Variants in KIAA0825 observed in about 807,000 individuals in gnomAD.
KIAA0825 encodes the protein KIAA0825.
A neutral mutation model predicts 147.6 loss-of-function variants in KIAA0825; 119 were observed. That is an observed-to-expected ratio of 0.81 (90% CI 0.69 to 0.94). The LOEUF (loss-of-function observed/expected upper bound fraction) is 0.94. KIAA0825 is among the 40% of genes least tolerant of loss of function. The pLI is 0.00. For missense variants in KIAA0825, 1,381 were observed against 1,472.7 expected (o/e 0.94, Z 1.02); for synonymous variants, 470 against 518.1 (o/e 0.91, Z 1.26).
chr5:94,242,403 C>CT (rs1194350248), intron 20 of KIAA0825, among the ~76,000 whole-genome samples: 1 of 152,158 alleles, frequency 6.6e-6, no homozygotes, highest in Non-Finnish European at 1.5e-5. Context: ...TTCAACAATT[C>CT]TTTGAGCACC....
At chr5:94,437,226 G>C (rs538691731) in intron 14 of KIAA0825, among the ~76,000 whole-genome samples, 1 of 152,050 alleles carries the variant, frequency 6.6e-6, no homozygotes, top group Non-Finnish European at 1.5e-5. Context: ...ATTAATTTCT[G>C]TGTGCATAAT....
At chr5:94,439,460 ACTC>A (rs1756787284) in intron 14 of KIAA0825, among the ~76,000 whole-genome samples, 3 of 152,152 alleles carry the variant, frequency 2.0e-5, no homozygotes, top group Non-Finnish European at 2.9e-5. Context: ...GTCTTATACT[ACTC>A]CTCGATTTCC....
At chr5:94,419,453 C>G (rs1445835381) in intron 14 of KIAA0825, among the ~76,000 whole-genome samples, 1 of 152,116 alleles carries the variant, frequency 6.6e-6, no homozygotes. Context: ...GATTGAGGAT[C>G]AAGAGTTCCA....
chr5:94,195,924 T>C lies in KIAA0825; in HGVS notation c.3711-41800A>G, dbSNP rs529212084. Among the ~76,000 whole-genome samples, 52 of 152,286 alleles carry C rather than the reference T, an allele frequency of 3.4e-4. 1 individual carries two copies. Among genetic ancestry groups the C allele is most frequent in the South Asian group, 1.2e-3 (6 of 4,832 alleles). On this transcript the variant is annotated intron_variant, in intron 20 of 20. Transcript: ENST00000682413. The stretch of plus-strand genomic sequence containing the variant: ...GCAGATGCTGTTGGAAATCTGCCCA[T>C]GGCCCCTCAGTGCCCCTTACCAATT...
intron 2 of KIAA0825, among the ~76,000 whole-genome samples, chr5:94,543,569 CT>C (rs754249565): frequency 2.1e-4 from 32 of 152,146 alleles, no homozygotes; most frequent in Non-Finnish European, 3.5e-4. Flanking sequence ...TGCTTTCTGA[CT>C]GAGCTCCTCT....
chr5:94,297,689 G>A (rs751103144), intron 20 of KIAA0825, among the ~76,000 whole-genome samples: 29 of 151,782 alleles, frequency 1.9e-4, no homozygotes, highest in Non-Finnish European at 3.7e-4. Context: ...TCCACCTCCT[G>A]GGCTCAAGCA....
chr5:94,338,919 A>G (rs1782079090), intron 20 of KIAA0825, among the ~76,000 whole-genome samples: 1 of 152,196 alleles, frequency 6.6e-6, no homozygotes, highest in Non-Finnish European at 1.5e-5. Flanking sequence ...AATAAAGACT[A>G]TAATGGCCCA....
rs1766540426 is a variant in KIAA0825 at position 94,152,027 on chromosome 5, AT to A, written c.*1979del. Among the ~76,000 whole-genome samples, 1 of 152,200 alleles carries A rather than the reference AT, an allele frequency of 6.6e-6. No individual in the cohort carries two copies. Among genetic ancestry groups the A allele is most frequent in the Admixed American group, 6.5e-5 (1 of 15,284 alleles). On this transcript the variant is annotated 3_prime_UTR_variant, in exon 21 of 21. Transcript: ENST00000682413. ...ATAAAATTTTCCTACCATTTTCTAA[AT>A]GGTCTTCATAGAATTTTTAGAAATT...
chr5:94,266,541 T>C (rs1776745301), intron 20 of KIAA0825, among the ~76,000 whole-genome samples: 1 of 152,158 alleles, frequency 6.6e-6, no homozygotes, highest in Admixed American at 6.5e-5. Context: ...GTAATAAAAA[T>C]ATTCCTTTTT....
intron 2 of KIAA0825, among the ~76,000 whole-genome samples, chr5:94,563,639 A>G (rs1777996892): frequency 6.6e-6 from 1 of 152,198 alleles, no homozygotes; most frequent in Non-Finnish European, 1.5e-5. Flanking sequence ...GTTAAATCTA[A>G]AACTTTCCAA....
chr5:94,331,911 C>T (rs922133759), intron 20 of KIAA0825, among the ~76,000 whole-genome samples: 3 of 152,038 alleles, frequency 2.0e-5, no homozygotes, highest in Admixed American at 6.6e-5. Context: ...CTTTGGGAGG[C>T]TGAGGTGGGT....
chr5:94,181,341 AG>A (rs1769595541), intron 20 of KIAA0825, among the ~76,000 whole-genome samples: 1 of 152,206 alleles, frequency 6.6e-6, no homozygotes, highest in South Asian at 2.1e-4. Flanking sequence ...TTACAAAGTT[AG>A]GTAGTGGTCT....
intron 20 of KIAA0825, among the ~76,000 whole-genome samples, chr5:94,221,741 T>C (rs976902833): frequency 1.3e-5 from 2 of 152,276 alleles, no homozygotes; most frequent in Middle Eastern, 3.4e-3. Flanking sequence ...GAGGCATCTA[T>C]GTCCTTATTC....
intron 20 of KIAA0825, among the ~76,000 whole-genome samples, chr5:94,202,446 A>G (rs1430021867): frequency 2.0e-5 from 3 of 152,206 alleles, no homozygotes; most frequent in Admixed American, 6.5e-5. Flanking sequence ...GAGATAAATT[A>G]TACCAGCGGT....
chr5:94,610,217 C>T (rs939311487), intron 1 of KIAA0825, among the ~76,000 whole-genome samples: 5 of 150,666 alleles, frequency 3.3e-5, no homozygotes, highest in Middle Eastern at 3.6e-3. Flanking sequence ...GTCAGGAGTT[C>T]GAGACCAGCC....
intron 5 of KIAA0825, among the ~76,000 whole-genome samples, chr5:94,485,904 G>A (rs571477272): frequency 3.3e-5 from 5 of 151,436 alleles, no homozygotes; most frequent in African/African-American, 1.2e-4. Context: ...AAATAATTGT[G>A]ATATCTATTA....
intron 20 of KIAA0825, among the ~76,000 whole-genome samples, chr5:94,211,709 G>A (rs1402432227): frequency 6.6e-6 from 1 of 152,018 alleles, no homozygotes; most frequent in Non-Finnish European, 1.5e-5. Flanking sequence ...TCTTATCTGT[G>A]TATTTTGCCC....
intron 20 of KIAA0825, among the ~76,000 whole-genome samples, chr5:94,181,330 A>G (rs567058310): frequency 1.9e-4 from 29 of 152,308 alleles, no homozygotes; most frequent in Non-Finnish European, 2.9e-4. Flanking sequence ...TACAACAAGA[A>G]TTACAAAGTT....
At chr5:94,572,067 C>G (rs941362678) in intron 2 of KIAA0825, among the ~76,000 whole-genome samples, 13 of 150,058 alleles carry the variant, frequency 8.7e-5, no homozygotes, top group Non-Finnish European at 1.6e-4. Context: ...CCACTGCATT[C>G]TAGCCTGGGC....
Sources: allele counts gnomAD v4.1 joint callset (sites outside exome capture counted in the v4.1 genomes callset), GRCh38; gene constraint gnomAD v4.1.1; transcripts MANE v1.5; gene names NCBI Gene and HGNC (gene_info 2026-07-23, HGNC 2026-07-21).